SAMD5: variants seen among roughly 807,000 people sequenced by gnomAD.
SAMD5 encodes the protein sterile alpha motif domain-containing protein 5.
A neutral mutation model predicts 11.3 loss-of-function variants in SAMD5; 13 were observed. The ratio of observed to expected loss-of-function variants is 1.15; its 90% CI spans 0.75 to 1.83. The LOEUF is 1.83. Ranked by LOEUF, SAMD5 falls within the 40% of genes most tolerant of loss-of-function variation. The probability of loss-of-function intolerance (pLI) is 0.00; values close to 1 mark genes in which losing one functional copy is unlikely to be tolerated. For synonymous variants in SAMD5, 129 were observed against 111.3 expected (o/e 1.16, Z -1.00); for missense variants, 255 against 239.1 (o/e 1.07, Z -0.44).
intron 1 of SAMD5, among the ~76,000 whole-genome samples, chr6:147,729,472 G>T (rs187855698): frequency 6.6e-6 from 1 of 152,322 alleles, no homozygotes; most frequent in Non-Finnish European, 1.5e-5. Context: ...TGTTACAGGT[G>T]CTGGAGATTC....
At chr6:147,580,633 T>C (rs1789283365) in intron 1 of SAMD5, among the ~76,000 whole-genome samples, 1 of 152,194 alleles carries the variant, frequency 6.6e-6, no homozygotes, top group African/African-American at 2.4e-5. Context: ...ACTTTAAAAT[T>C]GTATTTCATT....
downstream of SAMD5, among the ~76,000 whole-genome samples, chr6:147,573,997 A>G (rs1040206199): frequency 6.6e-6 from 1 of 151,964 alleles, no homozygotes; most frequent in African/African-American, 2.4e-5. Context: ...GCGTGGTGGC[A>G]GGCACCTGTA....
At chr6:147,803,131 C>CTGTGTGTGTG in the SAMD5 span, among the ~76,000 whole-genome samples, 637 of 136,776 alleles carry the variant, frequency 4.7e-3, 6 homozygotes, top group African/African-American at 0.011. Context: ...GCCTTCCTTT[C>CTGTGTGTGTG]TGTGTGTGTG....
At chr6:147,827,513 T>C in the SAMD5 span, among the ~76,000 whole-genome samples, 1 of 152,204 alleles carries the variant, frequency 6.6e-6, no homozygotes, top group African/African-American at 2.4e-5. Flanking sequence ...AATCTTGGTC[T>C]TCCACCTCAT....
chr6:147,514,220 G>A (rs540175542), intron 1 of SAMD5, among the ~76,000 whole-genome samples: 5 of 152,056 alleles, frequency 3.3e-5, no homozygotes, highest in East Asian at 1.9e-4. Flanking sequence ...TGCTTCTGGC[G>A]GGTGGGTAGC....
chr6:147,816,791 C>T, the SAMD5 span, among the ~76,000 whole-genome samples: 3 of 152,116 alleles, frequency 2.0e-5, no homozygotes, highest in Non-Finnish European at 4.4e-5. Context: ...ATGAGGCTGG[C>T]TTCAAACTCT....
chr6:147,569,189 C>T lies in SAMD5; in HGVS notation c.*4733C>T. ...TGAGCTGAGATCGCGCCAGTGCGCTCCAGCCTGGGCAACAGAGTGAGACTC... is the reference window on the plus strand; with the variant it reads ...TGAGCTGAGATCGCGCCAGTGCGCTTCAGCCTGGGCAACAGAGTGAGACTC... On this transcript the variant is annotated 3_prime_UTR_variant, in exon 2 of 2. Coordinates refer to ENST00000367474, the MANE Select transcript of SAMD5 (RefSeq NM_001030060.3). 4.3e-6 allele frequency: 1 copy of T among 231,456 alleles called. No individual in the cohort carries two copies. Among genetic ancestry groups the T allele is most frequent in the Non-Finnish European group, 7.0e-6 (1 of 143,486 alleles). The allele number at this position is 231,456 out of a possible 1,614,324, so 14.3% of individuals were successfully genotyped here. A position where few individuals can be genotyped will look rare whatever the true frequency, so the allele number is the denominator to read the frequency against.
chr6:147,699,036 G>A (rs1791217015), intron 1 of SAMD5, among the ~76,000 whole-genome samples: 2 of 152,128 alleles, frequency 1.3e-5, no homozygotes, highest in South Asian at 2.1e-4. Flanking sequence ...TGGTATTAGA[G>A]GAGGTTGGAG....
At chr6:147,934,088 G>A in the SAMD5 span, among the ~76,000 whole-genome samples, 3 of 152,132 alleles carry the variant, frequency 2.0e-5, no homozygotes, top group African/African-American at 2.4e-5. Context: ...AGTCTGGTGG[G>A]AAACATATTT....
chr6:147,741,090 G>A (rs1410827574), downstream of SAMD5, among the ~76,000 whole-genome samples: 1 of 152,158 alleles, frequency 6.6e-6, no homozygotes, highest in Non-Finnish European at 1.5e-5. Flanking sequence ...GGTACTTCTT[G>A]AAAGGCAAGT....
chr6:147,783,201 T>G, the SAMD5 span, among the ~76,000 whole-genome samples: 2 of 152,118 alleles, frequency 1.3e-5, no homozygotes, highest in Non-Finnish European at 2.9e-5. Flanking sequence ...AGTCTTATAC[T>G]CTCTATGTGA....
the SAMD5 span, among the ~76,000 whole-genome samples, chr6:147,862,539 G>T: frequency 6.6e-6 from 1 of 152,204 alleles, no homozygotes; most frequent in Non-Finnish European, 1.5e-5. Flanking sequence ...GCAGCCTCCG[G>T]ATATTTCACT....
chr6:147,939,975 G>A, the SAMD5 span, among the ~76,000 whole-genome samples: 735 of 152,200 alleles, frequency 4.8e-3, 5 homozygotes, highest in African/African-American at 0.017. Context: ...ATTTCCTAGC[G>A]AAGTACTATC....
chr6:147,852,996 C>G, the SAMD5 span, among the ~76,000 whole-genome samples: 1 of 152,192 alleles, frequency 6.6e-6, no homozygotes, highest in East Asian at 1.9e-4. Flanking sequence ...AGAGGTGACT[C>G]ACTTCCGGTT....
intron 1 of SAMD5, among the ~76,000 whole-genome samples, chr6:147,563,859 T>C (rs772144336): frequency 1.3e-5 from 2 of 152,234 alleles, no homozygotes; most frequent in Non-Finnish European, 2.9e-5. Flanking sequence ...AAGTTACTGT[T>C]TATACATACA....
the SAMD5 span, among the ~76,000 whole-genome samples, chr6:147,805,455 T>C: frequency 1.3e-5 from 2 of 152,180 alleles, no homozygotes; most frequent in African/African-American, 4.8e-5. Flanking sequence ...TTTATTGAAA[T>C]GATGATAACT....
At chr6:147,517,427 G>A (rs1170680124) in intron 1 of SAMD5, among the ~76,000 whole-genome samples, 4 of 152,102 alleles carry the variant, frequency 2.6e-5, no homozygotes, top group Admixed American at 2.0e-4. Context: ...AGCTTCCATC[G>A]TAGTGGCCAT....
chr6:147,523,870 A>G (rs143140339), intron 1 of SAMD5, among the ~76,000 whole-genome samples: 9 of 152,302 alleles, frequency 5.9e-5, no homozygotes, highest in African/African-American at 1.7e-4. Context: ...GCCCGGGATC[A>G]CACAAACTCA....
At chr6:147,675,326 CA>C (rs1448693085) in intron 1 of SAMD5, among the ~76,000 whole-genome samples, 1 of 152,176 alleles carries the variant, frequency 6.6e-6, no homozygotes, top group African/African-American at 2.4e-5. Flanking sequence ...ATTGTAACCA[CA>C]AGTAAGCTCT....
Sources: allele counts gnomAD v4.1 joint callset (sites outside exome capture counted in the v4.1 genomes callset), GRCh38; gene constraint gnomAD v4.1.1; transcripts MANE v1.5; gene names NCBI Gene and HGNC (gene_info 2026-07-23, HGNC 2026-07-21).